MIER3: variants seen among roughly 807,000 people sequenced by gnomAD.
MIER3 encodes the protein mesoderm induction early response protein 3.
In MIER3, 9 loss-of-function variants were observed where a neutral mutation model predicts 63.2. The observed-to-expected ratio is 0.14, with a 90% CI of 0.09 to 0.25. MIER3 has a LOEUF of 0.25. Among genes scored for constraint, MIER3 ranks in the 10% least tolerant of loss-of-function variants. The pLI, the probability that MIER3 is intolerant of heterozygous loss-of-function variation, is 1.00. For missense variants in MIER3, 512 were observed against 666.2 expected (o/e 0.77, Z 2.55); for synonymous variants, 205 against 224.9 (o/e 0.91, Z 0.79).
chr5:56,923,371 C>G lies in MIER3; in HGVS notation c.1410G>C (p.Met470Ile). 6.2e-7 allele frequency: 1 copy of G among 1,614,160 alleles called. No individual in the cohort carries two copies. Among genetic ancestry groups the G allele is most frequent in the Non-Finnish European group, 8.5e-7 (1 of 1,180,040 alleles). ...FYHSELNPMN[M>I]CSEESERPAK... The stretch of plus-strand genomic sequence containing the variant: ...CTGGTCTCTCTGACTCTTCACTGCA[C>G]ATGTTCATAGGGTTTAGCTCCGAGT... The change falls in exon 13 of 13, where the codon ATG becomes ATC. Residue 470 changes from methionine (M) to isoleucine (I), a missense_variant. Met to Ile is a conservative substitution (Grantham distance 10). Around this residue, in one of 5 missense-constraint regions of MIER3, gnomAD observed 218 missense variants for 251.2 expected, o/e 0.87. Transcript: ENST00000381199.
At chr5:56,937,993 C>T (rs2112121302) in intron 4 of MIER3, among the ~76,000 whole-genome samples, 1 of 152,060 alleles carries the variant, frequency 6.6e-6, no homozygotes. Context: ...GAATTTACAA[C>T]AAAAACAGTC....
chr5:56,935,432 C>T lies in MIER3; in HGVS notation c.591G>A (p.Glu197=), dbSNP rs1366257385. Residue 197 remains glutamate (E), a synonymous_variant, in exon 7 of 13, where the codon GAG becomes GAA. Transcript: ENST00000381199. ...PPYLGEYDGN[E]KVYENEDQLL... Reference sequence around the variant, plus strand: ...AAAATCAAAAGCTTTCCTTACCTTTCTCATTACCATCGTACTCTCCAAGAT... The same window carrying T: ...AAAATCAAAAGCTTTCCTTACCTTTTTCATTACCATCGTACTCTCCAAGAT... The T allele has an allele frequency of 6.3e-7, 1 of 1,581,636 alleles. No individual in the cohort carries two copies.
chr5:56,931,486 A>AC (rs1438107052), intron 8 of MIER3, among the ~76,000 whole-genome samples: 2 of 152,182 alleles, frequency 1.3e-5, no homozygotes, highest in Non-Finnish European at 2.9e-5. Flanking sequence ...ATCACTGTGT[A>AC]CCTAAATATG....
At chr5:56,931,482 G>A (rs1364062662) in intron 8 of MIER3, among the ~76,000 whole-genome samples, 1 of 151,928 alleles carries the variant, frequency 6.6e-6, no homozygotes, top group Non-Finnish European at 1.5e-5. Context: ...AGACATCACT[G>A]TGTACCTAAA....
chr5:56,927,687 A>T (rs1750060880), intron 10 of MIER3, among the ~76,000 whole-genome samples: 1 of 151,758 alleles, frequency 6.6e-6, no homozygotes, highest in African/African-American at 2.4e-5. Context: ...TGTATCTGTT[A>T]AAAAAATCAA....
Position 56,924,118 on chromosome 5 carries a change from C to T in MIER3, c.925-76G>A, listed in dbSNP as rs1232535500. ...TAAGCAACTTTTCTTTTCCACAACA[C>T]TACAACTTCAATCCATGGGTCTTAT... is the stretch of plus-strand genomic sequence containing the variant. On this transcript the variant is annotated intron_variant, in intron 10 of 12. Transcript: ENST00000381199. The T allele has an allele frequency of 2.8e-6, 4 of 1,410,184 alleles. No homozygotes were observed. In the Middle Eastern group the frequency reaches 5.5e-4, roughly 193 times the overall value. 87.4% of individuals were successfully genotyped at this position (1,410,184 alleles called of 1,614,324 possible).
rs539033312 is a variant in MIER3 at position 56,931,951 on chromosome 5, A to G, written c.748-1206T>C. Among the ~76,000 whole-genome samples the G allele has an allele frequency of 2.6e-5, 4 of 152,322 alleles. No homozygotes were observed. In the South Asian group the frequency reaches 8.3e-4, roughly 32 times the overall value. ...AAGTAGTTTCAACAGTTTAAGATAC[A>G]TTTTTTAAAAAATTGATATTTCTCA... On this transcript the variant is annotated intron_variant, in intron 8 of 12. Transcript: ENST00000381199.
chr5:56,930,704 T>C lies in MIER3; in HGVS notation c.789A>G (p.Glu263=). Residue 263 remains glutamate (E), a synonymous_variant, in exon 9 of 13, where the codon GAA becomes GAG. Coordinates refer to ENST00000381199, the MANE Select transcript of MIER3 (RefSeq NM_001297599.2). ...ELLKCNHNIK[E]AIERYCCNGK... The stretch of plus-strand genomic sequence containing the variant: ...CATTGCAGCAGTATCTTTCGATTGC[T>C]TCCTTTATATTGTGGTTACACTTGA... 6.2e-7 allele frequency: 1 copy of C among 1,613,928 alleles called. No individual in the cohort carries two copies. The highest frequency in any genetic ancestry group is 1.7e-5 in the Admixed American group (1 of 60,028).
At chr5:56,945,776 A>G (rs1750805544) in intron 3 of MIER3, among the ~76,000 whole-genome samples, 2 of 152,196 alleles carry the variant, frequency 1.3e-5, no homozygotes, top group Non-Finnish European at 2.9e-5. Flanking sequence ...GAACATTAAC[A>G]TCAATCCCCT....
At chr5:56,952,034 G>A in intron 1 of MIER3, 60 bp downstream of exon 1, 1 of 1,246,120 alleles carries the variant, frequency 8.0e-7, no homozygotes, top group Non-Finnish European at 1.0e-6. Flanking sequence ...CTCGGGGGTC[G>A]CGGGGAGCCG....
chr5:56,940,159 G>A (rs985710053), intron 3 of MIER3, among the ~76,000 whole-genome samples: 7 of 151,994 alleles, frequency 4.6e-5, no homozygotes, highest in African/African-American at 1.2e-4. Flanking sequence ...GTGAAACCCC[G>A]TCTCTACTAA....
chr5:56,933,166 G>T, intron 8 of MIER3, 81 bp downstream of exon 8: 1 of 1,371,396 alleles, frequency 7.3e-7, no homozygotes, highest in South Asian at 1.8e-5. Context: ...TACCTCACAT[G>T]TTAAAAATAT....
chr5:56,923,684 A>G lies in MIER3; in HGVS notation c.1195+7T>C. 1 of 1,614,178 alleles carries G rather than the reference A, an allele frequency of 6.2e-7. No homozygotes were observed. Among genetic ancestry groups the G allele is most frequent in the Non-Finnish European group, 8.5e-7 (1 of 1,180,018 alleles). ...CTGTACTAAATGCAGAAAGGTCTTC[A>G]TTTTACCTGTCAAGTCACTGGCAGT... is the stretch of plus-strand genomic sequence containing the variant. On this transcript the variant is annotated splice_region_variant and intron_variant, in intron 12 of 12. Transcript: ENST00000381199.
intron 3 of MIER3, among the ~76,000 whole-genome samples, chr5:56,939,251 G>C (rs1750557655): frequency 6.6e-6 from 1 of 152,248 alleles, no homozygotes; most frequent in East Asian, 1.9e-4. Flanking sequence ...TTATTTTCTA[G>C]AAGCATTTTA....
At chr5:56,951,785 G>C (rs936832992) in intron 1 of MIER3, among the ~76,000 whole-genome samples, 7 of 151,878 alleles carry the variant, frequency 4.6e-5, no homozygotes, top group African/African-American at 1.7e-4. Flanking sequence ...CCGGGGACAC[G>C]GCACTGCCTC....
chr5:56,950,339 T>C (rs1004668051), intron 2 of MIER3, among the ~76,000 whole-genome samples: 1 of 152,232 alleles, frequency 6.6e-6, no homozygotes, highest in Non-Finnish European at 1.5e-5. Context: ...TGGGATTAAC[T>C]GTTTCAGGCT....
At chr5:56,941,208 T>G in intron 3 of MIER3, 3 of 896,236 alleles carry the variant, frequency 3.3e-6, no homozygotes, top group Non-Finnish European at 4.0e-6. Context: ...TATGATACAA[T>G]GTGATGGCTT....
At chr5:56,942,960 C>T (rs952385632) in intron 3 of MIER3, among the ~76,000 whole-genome samples, 2 of 151,972 alleles carry the variant, frequency 1.3e-5, no homozygotes, top group African/African-American at 4.8e-5. Flanking sequence ...CTGGGCATTG[C>T]AAGACCCCTT....
chr5:56,924,871 T>C (rs958444760), intron 10 of MIER3, among the ~76,000 whole-genome samples: 2 of 152,244 alleles, frequency 1.3e-5, no homozygotes, highest in Non-Finnish European at 2.9e-5. Context: ...TAAGTTGTGA[T>C]ATAAGATTAC....
Sources: gnomAD v4.1 joint callset for allele counts (sites outside exome capture counted in the v4.1 genomes callset) on GRCh38, gnomAD v4.1.1 for gene constraint, gnomAD v4.1.1 regional missense constraint, MANE v1.5 for transcripts, NCBI Gene and HGNC (gene_info 2026-07-23, HGNC 2026-07-21) for gene names.